CREB5: variants seen among roughly 807,000 people sequenced by gnomAD.
CREB5 encodes the protein cyclic AMP-responsive element-binding protein 5.
In CREB5, 19 loss-of-function variants were observed where a neutral mutation model predicts 57.1. That is an observed-to-expected ratio of 0.33 (90% CI 0.23 to 0.49). The LOEUF is 0.49. Among genes scored for constraint, CREB5 ranks in the 20% least tolerant of loss-of-function variants. The pLI is 0.99. For missense variants in CREB5, 579 were observed against 671.6 expected, an observed-to-expected ratio of 0.86 and a Z score of 1.52; for synonymous variants, 238 against 238.3, an observed-to-expected ratio of 1.00 and a Z score of 0.01.
At chr7:28,670,850 A>G (rs1800008232) in intron 5 of CREB5, among the ~76,000 whole-genome samples, 1 of 152,164 alleles carries the variant, frequency 6.6e-6, no homozygotes, top group African/African-American at 2.4e-5. Flanking sequence ...ACAATTTGTA[A>G]AGAAATCCAT....
intron 5 of CREB5, among the ~76,000 whole-genome samples, chr7:28,642,866 G>A (rs1354564766): frequency 6.6e-6 from 1 of 151,858 alleles, no homozygotes; most frequent in Non-Finnish European, 1.5e-5. Context: ...CAAGACGGAT[G>A]AACACAAGCA....
At chr7:28,756,473 T>C (rs552135130) in intron 7 of CREB5, among the ~76,000 whole-genome samples, 1 of 151,878 alleles carries the variant, frequency 6.6e-6, no homozygotes, top group East Asian at 1.9e-4. Flanking sequence ...GGAGAATCGC[T>C]TGAACCTGGG....
At chr7:28,407,175 G>A (rs1466340403) in intron 1 of CREB5, among the ~76,000 whole-genome samples, 5 of 151,944 alleles carry the variant, frequency 3.3e-5, no homozygotes, top group South Asian at 4.2e-4. Flanking sequence ...TCAGCCTCTC[G>A]AGTAGCTGAG....
At chr7:28,816,731 C>T (rs1191470591) in intron 9 of CREB5, among the ~76,000 whole-genome samples, 1 of 152,222 alleles carries the variant, frequency 6.6e-6, no homozygotes, top group African/African-American at 2.4e-5. Context: ...GTGATAAATA[C>T]ATGGCTGAAA....
chr7:28,649,596 C>T (rs1336969956), intron 5 of CREB5, among the ~76,000 whole-genome samples: 1 of 152,164 alleles, frequency 6.6e-6, no homozygotes. Flanking sequence ...GTATTCAACC[C>T]GCTTGGAATG....
intron 1 of CREB5, among the ~76,000 whole-genome samples, chr7:28,369,277 T>C (rs989122808): frequency 1.3e-5 from 2 of 152,164 alleles, no homozygotes; most frequent in Non-Finnish European, 2.9e-5. Context: ...TGGCCAGTGG[T>C]ATTTCCAGGG....
chr7:28,819,145 G>A lies in CREB5; in HGVS notation c.1393G>A (p.Val465Ile). The A allele has an allele frequency of 6.2e-7, 1 of 1,613,410 alleles. No individual in the cohort carries two copies. The highest frequency in any genetic ancestry group is 8.5e-7 in the Non-Finnish European group (1 of 1,179,750). ...SPESSPPASP[V>I]PACSQQQVIQ... ...AGAGAGTAGCCCTCCTGCTAGTCCT[G>A]TCCCAGCTTGCTCCCAGCAACAAGT... Residue 465 changes from valine (V) to isoleucine (I), a missense_variant, in exon 11 of 11, where the codon GTC (valine) becomes ATC (isoleucine). Physicochemically the swap from Val to Ile is conservative, Grantham distance 29 (BLOSUM62 3). Around this residue, in one of 3 missense-constraint regions of CREB5, gnomAD observed 114 missense variants for 130.8 expected, o/e 0.87. Transcript: ENST00000357727.
rs185522832 is a variant in CREB5, at chr7:28,774,107, G to A, written c.703-30092G>A. ...CTTTCTTTCCTTCTTTTAACTGAAA[G>A]GTCACCAGTATGAGTTATTTTTTAT... On this transcript the variant is annotated intron_variant, in intron 7 of 10. Coordinates refer to ENST00000357727, the MANE Select transcript of CREB5 (RefSeq NM_182898.4). Among the ~76,000 whole-genome samples, 11 of 152,218 alleles carry A rather than the reference G, an allele frequency of 7.2e-5. No homozygotes were observed. The East Asian group carries it at 1.9e-3, about 27-fold the overall frequency.
chr7:28,694,159 C>G (rs138526065), intron 5 of CREB5, among the ~76,000 whole-genome samples: 25 of 152,306 alleles, frequency 1.6e-4, no homozygotes, highest in African/African-American at 4.8e-4. Context: ...TCTTATTTAT[C>G]TAACACTTCC....
chr7:28,624,174 A>T (rs755414573), intron 5 of CREB5, among the ~76,000 whole-genome samples: 2 of 152,260 alleles, frequency 1.3e-5, no homozygotes, highest in Non-Finnish European at 2.9e-5. Context: ...TATTGAGGCC[A>T]ATTAAATAAG....
At chr7:28,752,758 T>G (rs555157593) in intron 7 of CREB5, among the ~76,000 whole-genome samples, 64 of 152,302 alleles carry the variant, frequency 4.2e-4, no homozygotes, top group African/African-American at 1.5e-3. Context: ...ATGTTTGTCT[T>G]CGCAAATAAT....
At chr7:28,299,416 G>A (rs1269948542) in exon 1 of CREB5, 4 of 152,204 alleles carry the variant, frequency 2.6e-5, no homozygotes, top group African/African-American at 7.2e-5. Context: ...TCTGGCATTC[G>A]TCCCTGTTTC....
At chr7:28,758,076 G>T (rs1159152006) in intron 7 of CREB5, among the ~76,000 whole-genome samples, 1 of 152,170 alleles carries the variant, frequency 6.6e-6, no homozygotes, top group East Asian at 1.9e-4. Context: ...TAAGAGTGGT[G>T]GTAGTATTGT....
intron 1 of CREB5, among the ~76,000 whole-genome samples, chr7:28,486,795 T>A (rs1477729409): frequency 6.7e-6 from 1 of 150,244 alleles, no homozygotes; most frequent in Non-Finnish European, 1.5e-5. Flanking sequence ...AATTTTTGCC[T>A]AAGGTATGCA....
chr7:28,717,219 C>T (rs1449504285), intron 5 of CREB5, among the ~76,000 whole-genome samples: 1 of 151,712 alleles, frequency 6.6e-6, no homozygotes, highest in Non-Finnish European at 1.5e-5. Flanking sequence ...CCACCACGCC[C>T]AGCTAATTTT....
intron 4 of CREB5, among the ~76,000 whole-genome samples, chr7:28,560,823 C>CGTGT (rs1442862711): frequency 1.5e-4 from 5 of 34,448 alleles, no homozygotes; most frequent in Admixed American, 2.6e-4. Context: ...TGTGTGTGTG[C>CGTGT]GCGCGCGCGC....
At chr7:28,760,556 GCTGT>G (rs1226117561) in intron 7 of CREB5, among the ~76,000 whole-genome samples, 3 of 152,102 alleles carry the variant, frequency 2.0e-5, no homozygotes, top group African/African-American at 7.2e-5. Context: ...ATCATTTGTG[GCTGT>G]CTCTTTCTGA....
chr7:28,531,210 G>A (rs144248259), intron 4 of CREB5, among the ~76,000 whole-genome samples: 24 of 151,874 alleles, frequency 1.6e-4, no homozygotes, highest in African/African-American at 4.6e-4. Context: ...CCATGGCTTC[G>A]GTAATAAAGT....
At chr7:28,315,003 C>G (rs1785349264) in intron 1 of CREB5, among the ~76,000 whole-genome samples, 1 of 152,174 alleles carries the variant, frequency 6.6e-6, no homozygotes, top group Non-Finnish European at 1.5e-5. Flanking sequence ...TGGTATGCCT[C>G]AAAGCACTGT....
Sources: allele counts gnomAD v4.1 joint callset (sites outside exome capture counted in the v4.1 genomes callset), GRCh38; gene constraint gnomAD v4.1.1; regional missense constraint gnomAD v4.1.1; transcripts MANE v1.5; gene names NCBI Gene and HGNC (gene_info 2026-07-23, HGNC 2026-07-21).